The following CTNNA2 variants were observed in gnomAD, a reference collection of about 807,000 sequenced individuals.
The protein encoded by CTNNA2 is catenin alpha 2.
Under a neutral mutation model 101.0 loss-of-function variants are expected in CTNNA2, and 42 were observed. The observed-to-expected ratio is 0.42, with a 90% CI of 0.32 to 0.54. The LOEUF is 0.54. Among genes scored for constraint, CTNNA2 ranks in the 20% least tolerant of loss-of-function variants. CTNNA2 has a pLI of 0.14. For missense variants in CTNNA2, 871 were observed against 1,223.1 expected, an observed-to-expected ratio of 0.71 and a Z score of 4.29; for synonymous variants, 450 against 456.4, an observed-to-expected ratio of 0.99 and a Z score of 0.18.
chr2:80,611,360 A>C (rs1698455451), intron 17 of CTNNA2, among the ~76,000 whole-genome samples: 1 of 148,150 alleles, frequency 6.7e-6, no homozygotes, highest in Non-Finnish European at 1.5e-5. Flanking sequence ...GGTAGAAGAA[A>C]AGAAAAAAGA....
rs1029818234 is a variant in CTNNA2 at position 79,782,785 on chromosome 2, G to A, written c.298+38203G>A. Reference sequence around the variant, plus strand: ...ATTGAGCAGCACAAGCCCTACTACCGGTCAGTTTGGGGCCTCGCAAGGGGA... The same window carrying A: ...ATTGAGCAGCACAAGCCCTACTACCAGTCAGTTTGGGGCCTCGCAAGGGGA... On this transcript the variant is annotated intron_variant, in intron 3 of 18. Coordinates refer to ENST00000402739, the MANE Select transcript of CTNNA2 (RefSeq NM_001282597.3). Among the ~76,000 whole-genome samples, 19 of 152,138 alleles carry A rather than the reference G, an allele frequency of 1.2e-4. No homozygotes were observed. The East Asian group carries it at 2.1e-3, about 17-fold the overall frequency.
chr2:79,768,142 C>T (rs1430688636), intron 3 of CTNNA2, among the ~76,000 whole-genome samples: 2 of 151,576 alleles, frequency 1.3e-5, no homozygotes, highest in African/African-American at 2.4e-5. Flanking sequence ...AGGTATCAGC[C>T]GAGTTTGGTC....
At chr2:79,641,880 A>G (rs539328092) in intron 1 of CTNNA2, among the ~76,000 whole-genome samples, 2 of 152,324 alleles carry the variant, frequency 1.3e-5, no homozygotes, top group South Asian at 2.1e-4. Context: ...GGCACGGAGT[A>G]TTAAATTTTA....
intron 7 of CTNNA2, among the ~76,000 whole-genome samples, chr2:80,198,456 T>A (rs1239338269): frequency 1.3e-5 from 2 of 152,224 alleles, no homozygotes; most frequent in Non-Finnish European, 2.9e-5. Flanking sequence ...ATATAAAGCA[T>A]TATTATCAAG....
chr2:79,326,688 T>C (rs558707265), intron 3 of CTNNA2, among the ~76,000 whole-genome samples: 124 of 152,322 alleles, frequency 8.1e-4, no homozygotes, highest in Non-Finnish European at 1.6e-3. Flanking sequence ...ATGAACAAGC[T>C]TTAATACAGC....
rs185507259 is a variant in CTNNA2, at chr2:79,418,251, C to A, written c.-135+44238C>A. Among the ~76,000 whole-genome samples, 8 of 152,126 alleles carry A rather than the reference C, an allele frequency of 5.3e-5. No individual in the cohort carries two copies. In the East Asian group the frequency reaches 1.6e-3, roughly 30 times the overall value. ...ACTGGGGAAGTTGCGTGTCTTGTGA[C>A]CTATGGAAAAATGTCTGGCAACCTT... On this transcript the variant is annotated intron_variant, in intron 4 of 21. Transcript: ENST00000466387.
chr2:80,314,628 G>A (rs1314335803), intron 7 of CTNNA2, among the ~76,000 whole-genome samples: 1 of 152,174 alleles, frequency 6.6e-6, no homozygotes, highest in Non-Finnish European at 1.5e-5. Context: ...CAACAATGGG[G>A]GAGGATGCCT....
intron 7 of CTNNA2, among the ~76,000 whole-genome samples, chr2:80,153,331 G>A (rs975959718): frequency 6.6e-6 from 1 of 152,100 alleles, no homozygotes; most frequent in African/African-American, 2.4e-5. Flanking sequence ...TTGCCTGAGT[G>A]CCATTACTTC....
At chr2:79,838,705 A>G (rs1679570853) in intron 3 of CTNNA2, among the ~76,000 whole-genome samples, 1 of 152,104 alleles carries the variant, frequency 6.6e-6, no homozygotes, top group African/African-American at 2.4e-5. Context: ...TGGGTGTTAT[A>G]TTAAAAGTGT....
At chr2:80,596,328 G>T (rs1257130161) in intron 15 of CTNNA2, among the ~76,000 whole-genome samples, 2 of 24,828 alleles carry the variant, frequency 8.1e-5, no homozygotes, top group Non-Finnish European at 9.7e-5. Context: ...TTTTTTTTTT[G>T]AGACGGAGTC....
chr2:79,610,636 C>T (rs773523442), intron 1 of CTNNA2, among the ~76,000 whole-genome samples: 7 of 152,006 alleles, frequency 4.6e-5, no homozygotes, highest in Non-Finnish European at 7.4e-5. Flanking sequence ...GGATTCCATT[C>T]ATATAAAACT....
intron 7 of CTNNA2, chr2:80,298,159 AT>A (rs1335623938): frequency 6.6e-6 from 1 of 152,056 alleles, no homozygotes; most frequent in African/African-American, 2.4e-5. Flanking sequence ...TAATGGTCAT[AT>A]TCTAGCTAAT....
At chr2:79,814,857 T>G (rs1677355461) in intron 3 of CTNNA2, among the ~76,000 whole-genome samples, 1 of 152,170 alleles carries the variant, frequency 6.6e-6, no homozygotes. Flanking sequence ...CCACACTGTT[T>G]TACATAGTGA....
chr2:79,201,661 C>T (rs1011276947), intron 2 of CTNNA2, among the ~76,000 whole-genome samples: 7 of 151,774 alleles, frequency 4.6e-5, no homozygotes, highest in Admixed American at 3.3e-4. Context: ...GCTTCCAGGC[C>T]TCAGCAAATT....
chr2:79,503,830 C>G (rs1296454873), intron 4 of CTNNA2, among the ~76,000 whole-genome samples: 1 of 152,058 alleles, frequency 6.6e-6, no homozygotes, highest in Admixed American at 6.5e-5. Context: ...CACTACCCGG[C>G]CATTTTGGGT....
At chr2:80,266,493 C>G (rs922792160) in intron 7 of CTNNA2, among the ~76,000 whole-genome samples, 6 of 152,192 alleles carry the variant, frequency 3.9e-5, no homozygotes, top group Non-Finnish European at 8.8e-5. Flanking sequence ...CTTCTTGATG[C>G]CTGAGCCACA....
chr2:80,109,616 C>T (rs116942853), intron 7 of CTNNA2, among the ~76,000 whole-genome samples: 61 of 152,160 alleles, frequency 4.0e-4, no homozygotes, highest in Non-Finnish European at 6.9e-4. Flanking sequence ...AGGAAATGGC[C>T]GAGTACAGCA....
intron 9 of CTNNA2, among the ~76,000 whole-genome samples, chr2:80,538,009 T>A (rs1691196903): frequency 6.6e-6 from 1 of 152,240 alleles, no homozygotes; most frequent in South Asian, 2.1e-4. Flanking sequence ...CATATGTTTG[T>A]TGGCCGCATA....
chr2:79,868,118 T>A (rs1682283845), intron 4 of CTNNA2, among the ~76,000 whole-genome samples: 1 of 152,186 alleles, frequency 6.6e-6, no homozygotes, highest in Admixed American at 6.5e-5. Context: ...TCAACTGTAC[T>A]TCCTTTTTCA....
Sources: gnomAD v4.1 joint callset for allele counts (sites outside exome capture counted in the v4.1 genomes callset) on GRCh38, gnomAD v4.1.1 for gene constraint, MANE v1.5 for transcripts, NCBI Gene and HGNC (gene_info 2026-07-23, HGNC 2026-07-21) for gene names.